SELENBP1: variants seen among roughly 807,000 people sequenced by gnomAD.
SELENBP1 encodes the protein selenium binding protein 1, also known as methanethiol oxidase.
A neutral mutation model predicts 61.0 loss-of-function variants in SELENBP1; 71 were observed. The ratio of observed to expected loss-of-function variants is 1.16; its 90% CI spans 0.96 to 1.42. The LOEUF (loss-of-function observed/expected upper bound fraction) is 1.42. SELENBP1 is among the 40% of genes most tolerant of loss of function. The pLI is 0.00. For missense variants in SELENBP1, 561 were observed against 605.0 expected (o/e 0.93, Z 0.76); for synonymous variants, 270 against 238.9 (o/e 1.13, Z -1.20).
At chr1:151,369,371 A>AG (rs537023335) in intron 3 of SELENBP1, 71 bp downstream of exon 3, 17 of 1,473,436 alleles carry the variant, frequency 1.2e-5, no homozygotes, top group Admixed American at 7.7e-5. Flanking sequence ...GGAGCTGGGA[A>AG]GGGGGGGCCC....
At chr1:151,366,985 G>A in intron 5 of SELENBP1, 81 bp from the exon 6 acceptor site, 3 of 1,549,154 alleles carry the variant, frequency 1.9e-6, no homozygotes, top group Non-Finnish European at 2.6e-6. Flanking sequence ...CCCGAGGCAT[G>A]TCTAAGAGGC....
At chr1:151,370,513 T>A (rs1652088151) in intron 1 of SELENBP1, among the ~76,000 whole-genome samples, 1 of 152,180 alleles carries the variant, frequency 6.6e-6, no homozygotes, top group African/African-American at 2.4e-5. Flanking sequence ...AAGTAAGGTG[T>A]TTGGCCCAAC....
Position 151,369,108 on chromosome 1 carries a change from C to T in SELENBP1, c.256G>A (p.Asp86Asn). ...AGCTTGGTGCGCGACTTGGTGCTAT[C>T]ACCGAAGCAGCTGCTGCAGGTGTTC... ...GWNTCSSCFG[D>N]STKSRTKLVL... The change falls in exon 4 of 12, where the codon GAT becomes AAT. Residue 86 changes from aspartate (D) to asparagine (N), a missense_variant. By Grantham distance (23) the Asp-to-Asn change is conservative (BLOSUM62 1). Coordinates refer to ENST00000368868, the MANE Select transcript of SELENBP1 (RefSeq NM_003944.4). 3 of 1,614,046 alleles carry T rather than the reference C, an allele frequency of 1.9e-6. No homozygotes were observed. Among genetic ancestry groups the T allele is most frequent in the Non-Finnish European group, 2.5e-6 (3 of 1,180,002 alleles).
chr1:151,371,538 G>A (rs1652139465), intron 1 of SELENBP1, among the ~76,000 whole-genome samples: 1 of 152,034 alleles, frequency 6.6e-6, no homozygotes, highest in South Asian at 2.1e-4. Flanking sequence ...GAGAGAGAGA[G>A]GTCCAGTTCA....
At chr1:151,368,158 AG>A in intron 5 of SELENBP1, 40 bp downstream of exon 5, 2 of 1,593,594 alleles carry the variant, frequency 1.3e-6, no homozygotes, top group Non-Finnish European at 1.7e-6. Context: ...CACATTTCAC[AG>A]CTGTGGAAGT....
At chr1:151,369,990 C>A in intron 1 of SELENBP1, 1 of 1,462,558 alleles carries the variant, frequency 6.8e-7, no homozygotes, top group Non-Finnish European at 9.0e-7. Context: ...TGAAGGTGGA[C>A]AGACAGTCCA....
chr1:151,365,418 TG>T, intron 9 of SELENBP1, 137 bp from the exon 10 acceptor site: 1 of 1,480,566 alleles, frequency 6.8e-7, no homozygotes, highest in Non-Finnish European at 9.3e-7. Context: ...TGGACAGTCC[TG>T]GGCCTGTGCT....
Position 151,369,032 on chromosome 1 carries a change from G to A in SELENBP1, c.332C>T (p.Ser111Phe), listed in dbSNP as rs11539467. The A allele has an allele frequency of 6.2e-7, 1 of 1,612,380 alleles. No homozygotes were observed. Among genetic ancestry groups the A allele is most frequent in the Non-Finnish European group, 8.5e-7 (1 of 1,178,600 alleles). ...SSRIYVVDVGSEPRAPKLHKV... is the reference protein window; with the variant it reads ...SSRIYVVDVGFEPRAPKLHKV... ...GTGCAGCTTTGGGGCCCGGGGCTCAGAGCCCACGTCCACCACATAGATGCG... is the reference window on the plus strand; with the variant it reads ...GTGCAGCTTTGGGGCCCGGGGCTCAAAGCCCACGTCCACCACATAGATGCG... Residue 111 changes from serine to phenylalanine, a missense_variant, in exon 4 of 12, where the codon TCT (serine) becomes TTT (phenylalanine). Transcript: ENST00000368868.
chr1:151,366,902 C>T lies in SELENBP1; in HGVS notation c.484G>A (p.Gly162Ser), dbSNP rs1422671838. 6.8e-6 allele frequency: 11 copies of T among 1,613,578 alleles called. No homozygotes were observed. Among genetic ancestry groups the T allele is most frequent in the Non-Finnish European group, 7.6e-6 (9 of 1,179,632 alleles). The change falls in exon 6 of 12, where the codon GGT becomes AGT. Residue 162 changes from glycine (G) to serine (S), a missense_variant and splice_region_variant. Gly to Ser is a moderately conservative substitution (Grantham distance 56). Coordinates refer to ENST00000368868, the MANE Select transcript of SELENBP1 (RefSeq NM_003944.4). ...GTCTCCCCATCCAGCAGCACAAAAC[C>T]CCCTGAACAGGGAAGGAAGCAGGGT... The part of the protein sequence containing the change: ...LGDVKGNGKG[G>S]FVLLDGETFE...
intron 4 of SELENBP1, 80 bp downstream of exon 4, chr1:151,368,924 G>C (rs1443147035): frequency 6.9e-7 from 1 of 1,447,196 alleles, no homozygotes; most frequent in Non-Finnish European, 9.5e-7. Context: ...TGCTGGTTTA[G>C]GTCTGGCTTC....
chr1:151,370,200 C>T (rs961082896), intron 1 of SELENBP1: 5 of 407,388 alleles, frequency 1.2e-5, no homozygotes, highest in African/African-American at 6.0e-5. Context: ...TGGGCTTTTA[C>T]GAGAAGTAAA....
intron 1 of SELENBP1, 65 bp downstream of exon 1, chr1:151,372,573 G>C (rs996143801): frequency 6.2e-7 from 1 of 1,608,224 alleles, no homozygotes; most frequent in South Asian, 1.1e-5. Context: ...ATTTTCTGGA[G>C]GAGGGCCTTC....
At chr1:151,368,107 C>A in intron 5 of SELENBP1, 92 bp downstream of exon 5, 4 of 1,528,966 alleles carry the variant, frequency 2.6e-6, no homozygotes, top group Non-Finnish European at 3.6e-6. Flanking sequence ...TCATTCCAAC[C>A]CTCCCCTTCC....
In SELENBP1 at chr1:151,364,451, C is replaced by A; in HGVS notation, c.*92G>T. 1 of 1,510,258 alleles carries A rather than the reference C, an allele frequency of 6.6e-7. No homozygotes were observed. Among genetic ancestry groups the A allele is most frequent in the Non-Finnish European group, 9.2e-7 (1 of 1,092,750 alleles). The allele number at this position is 1,510,258 out of a possible 1,614,324, so 93.6% of individuals were successfully genotyped here. ...AGCTTGGCTGTGTGGTACATGCTGC[C>A]AAGGGTCGGGTGCCAAGAGAGAGCA... On this transcript the variant is annotated 3_prime_UTR_variant, in exon 12 of 12. Transcript: ENST00000368868.
intron 5 of SELENBP1, among the ~76,000 whole-genome samples, 193 bp downstream of exon 5, chr1:151,368,006 A>G (rs553722756): frequency 6.6e-6 from 1 of 152,248 alleles, no homozygotes; most frequent in South Asian, 2.1e-4. Flanking sequence ...ATCAGTGAAG[A>G]CTCATCTTAA....
chr1:151,367,141 A>C (rs554148430), intron 5 of SELENBP1: 18 of 1,022,942 alleles, frequency 1.8e-5, no homozygotes, highest in South Asian at 2.7e-5. Context: ...TCAGGAGTTC[A>C]GGATCAGCCT....
intron 3 of SELENBP1, 30 bp downstream of exon 3, chr1:151,369,412 A>G (rs1318839065): frequency 6.3e-7 from 1 of 1,586,488 alleles, no homozygotes; most frequent in East Asian, 2.3e-5. Context: ...CTATGGTCTC[A>G]AAGTAGCTGG....
At position 151,368,955 on chromosome 1, in the gene SELENBP1, G is replaced by A. The variant is rs1417404288; in HGVS notation, c.360+49C>T. 7 of 1,549,410 alleles carry A rather than the reference G, an allele frequency of 4.5e-6. No individual in the cohort carries two copies. The Admixed American group carries it at 5.3e-5, about 12-fold the overall frequency. On this transcript the variant is annotated intron_variant, in intron 4 of 11. Coordinates refer to ENST00000368868, the MANE Select transcript of SELENBP1 (RefSeq NM_003944.4). ...GCTTCCTGCCCGTAGACTACCTGGG[G>A]TGGCAGGTGTCTTATGGTCTACTGA... is the stretch of plus-strand genomic sequence containing the variant.
chr1:151,372,536 C>T, intron 1 of SELENBP1, 102 bp downstream of exon 1: 1 of 1,476,988 alleles, frequency 6.8e-7, no homozygotes, highest in Non-Finnish European at 9.5e-7. Context: ...CTACTCCCTC[C>T]CCAGCTCCCC....
Sources: gnomAD v4.1 joint callset for allele counts (sites outside exome capture counted in the v4.1 genomes callset) on GRCh38, gnomAD v4.1.1 for gene constraint, MANE v1.5 for transcripts, NCBI Gene and HGNC (gene_info 2026-07-23, HGNC 2026-07-21) for gene names.